Variants in HELZ observed in about 807,000 individuals in gnomAD.
The protein encoded by HELZ is helicase with zinc finger.
In HELZ, 23 loss-of-function variants were observed where a neutral mutation model predicts 218.2. That is an observed-to-expected ratio of 0.11 (90% CI 0.08 to 0.15). HELZ has a LOEUF of 0.15. Ranked by LOEUF, HELZ falls within the 10% of genes least tolerant of loss-of-function variation. HELZ has a pLI of 1.00. For missense variants in HELZ, 1,813 were observed against 2,353.7 expected (o/e 0.77, Z 4.75); for synonymous variants, 814 against 829.4 (o/e 0.98, Z 0.32).
In HELZ at chr17:67,235,229, G is replaced by A. The variant is rs972900036; in HGVS notation, c.-19+4204C>T. 9.9e-5 allele frequency among the ~76,000 whole-genome samples: 15 copies of A among 152,052 alleles called. 1 individual carries two copies. Among genetic ancestry groups the A allele is most frequent in the African/African-American group, 2.9e-4 (12 of 41,484 alleles). On this transcript the variant is annotated intron_variant, in intron 3 of 32. Coordinates refer to ENST00000358691, the MANE Select transcript of HELZ (RefSeq NM_014877.4). ...AGCCACAAAGAGACAACAGAAGGCC[G>A]GGCGCGGTGGCTCACACCTGTAATC...
chr17:67,214,046 GA>G (rs1420030744), intron 5 of HELZ, among the ~76,000 whole-genome samples: 64 of 152,220 alleles, frequency 4.2e-4, no homozygotes, highest in African/African-American at 1.5e-3. Context: ...AACTTCTTCA[GA>G]TGGGGGAAGG....
chr17:67,161,747 G>A (rs2144117208), intron 15 of HELZ, among the ~76,000 whole-genome samples: 1 of 152,280 alleles, frequency 6.6e-6, no homozygotes, highest in Non-Finnish European at 1.5e-5. Context: ...ACCTGTCACA[G>A]TCGCACAGAT....
chr17:67,109,536 T>C lies in HELZ; in HGVS notation c.4069A>G (p.Asn1357Asp). 1 of 1,614,170 alleles carries C rather than the reference T, an allele frequency of 6.2e-7. No homozygotes were observed. The highest frequency in any genetic ancestry group is 8.5e-7 in the Non-Finnish European group (1 of 1,180,036). ...PAPHAQYAIPNRHFHPLPQLP... is the reference protein window; with the variant it reads ...PAPHAQYAIPDRHFHPLPQLP... ...TGGGGAAGGGGATGAAAGTGGCGATTAGGGATTGCATACTGTGCGTGGGGA... is the reference window on the plus strand; with the variant it reads ...TGGGGAAGGGGATGAAAGTGGCGATCAGGGATTGCATACTGTGCGTGGGGA... Residue 1357 changes from asparagine to aspartate, a missense_variant, in exon 29 of 33, where the codon AAT becomes GAT. Physicochemically the swap from Asn to Asp is conservative, Grantham distance 23 (BLOSUM62 1). This residue lies in a region of HELZ where 938 missense variants were observed against 1,027.5 expected (regional missense o/e 0.91). Transcript: ENST00000358691.
chr17:67,090,717 C>T (rs1293200471), intron 31 of HELZ, among the ~76,000 whole-genome samples: 1 of 152,082 alleles, frequency 6.6e-6, no homozygotes, highest in African/African-American at 2.4e-5. Flanking sequence ...TCTACTGGGT[C>T]TGTAGTGACC....
chr17:67,076,069 C>T lies in HELZ; in HGVS notation c.*2183G>A, dbSNP rs1470570949. 6.6e-6 allele frequency: 1 copy of T among 152,506 alleles called. No homozygotes were observed. The highest frequency in any genetic ancestry group is 1.5e-5 in the Non-Finnish European group (1 of 68,026). 9.4% of individuals were successfully genotyped at this position (152,506 alleles called of 1,614,324 possible). Reference sequence around the variant, plus strand: ...TAGAAAACAGAAAATTAGGCAATAACCTCATGACAAGGGGTCAACTGAAAG... The same window carrying T: ...TAGAAAACAGAAAATTAGGCAATAATCTCATGACAAGGGGTCAACTGAAAG... On this transcript the variant is annotated 3_prime_UTR_variant, in exon 33 of 33. Coordinates refer to ENST00000358691, the MANE Select transcript of HELZ (RefSeq NM_014877.4).
At chr17:67,159,723 A>G (rs1051563965) in intron 17 of HELZ, among the ~76,000 whole-genome samples, 23 of 152,084 alleles carry the variant, frequency 1.5e-4, no homozygotes, top group African/African-American at 5.6e-4. Flanking sequence ...TCAACCTTAA[A>G]TTTTCTTTGA....
chr17:67,130,295 G>A (rs1468510093), intron 23 of HELZ, among the ~76,000 whole-genome samples: 1 of 151,546 alleles, frequency 6.6e-6, no homozygotes, highest in Non-Finnish European at 1.5e-5. Context: ...ACTTATCCAT[G>A]TAAACAAAAA....
chr17:67,161,178 A>C, intron 15 of HELZ, 102 bp from the exon 16 acceptor site: 1 of 799,476 alleles, frequency 1.3e-6, no homozygotes, highest in Non-Finnish European at 1.9e-6. Context: ...AAACCACTGA[A>C]ATAGCATAGC....
chr17:67,111,462 C>G (rs1442998286), intron 28 of HELZ, among the ~76,000 whole-genome samples: 3 of 152,286 alleles, frequency 2.0e-5, no homozygotes, highest in African/African-American at 7.2e-5. Context: ...GATTGCAGAG[C>G]ACTTGCCTCA....
intron 31 of HELZ, among the ~76,000 whole-genome samples, chr17:67,091,098 G>A (rs925324837): frequency 6.6e-6 from 1 of 151,854 alleles, no homozygotes; most frequent in Admixed American, 6.6e-5. Context: ...ACACAAATTA[G>A]GACAGGCTAT....
chr17:67,190,612 G>A (rs1314214634), intron 9 of HELZ, among the ~76,000 whole-genome samples: 1 of 152,176 alleles, frequency 6.6e-6, no homozygotes, highest in African/African-American at 2.4e-5. Flanking sequence ...AGGTATTCAC[G>A]TCGGCCCTCC....
At chr17:67,187,788 T>G (rs999943384) in intron 12 of HELZ, among the ~76,000 whole-genome samples, 1 of 152,136 alleles carries the variant, frequency 6.6e-6, no homozygotes, top group Non-Finnish European at 1.5e-5. Flanking sequence ...CAGGGACCTC[T>G]TCCCAAAAAC....
chr17:67,154,222 G>A (rs1000339325), intron 17 of HELZ, among the ~76,000 whole-genome samples: 3 of 152,220 alleles, frequency 2.0e-5, no homozygotes, highest in African/African-American at 7.2e-5. Flanking sequence ...GAGGCCAGGA[G>A]TTCAAGACCA....
At chr17:67,181,275 A>C (rs1355236514) in intron 12 of HELZ, among the ~76,000 whole-genome samples, 2 of 152,218 alleles carry the variant, frequency 1.3e-5, no homozygotes, top group Non-Finnish European at 2.9e-5. Context: ...CTGATGTTTA[A>C]GTAGCTGAGA....
At chr17:67,221,102 G>A (rs919251524) in intron 3 of HELZ, among the ~76,000 whole-genome samples, 1 of 152,072 alleles carries the variant, frequency 6.6e-6, no homozygotes, top group Non-Finnish European at 1.5e-5. Flanking sequence ...GACAAAGAGT[G>A]GCATTACAAA....
rs1820574221 is a variant in HELZ, at chr17:67,189,703, A to T, written c.757-7T>A. ...CTTCTATACATTCACTAAGCTGAAA[A>T]CAGACAGCAATTTATGTTATGTTTT... On this transcript the variant is annotated splice_polypyrimidine_tract_variant and splice_region_variant and intron_variant, in intron 10 of 32. Coordinates refer to ENST00000358691, the MANE Select transcript of HELZ (RefSeq NM_014877.4). 1 of 1,542,094 alleles carries T rather than the reference A, an allele frequency of 6.5e-7. No individual in the cohort carries two copies.
intron 24 of HELZ, among the ~76,000 whole-genome samples, chr17:67,125,590 G>A (rs1228807443): frequency 1.3e-5 from 2 of 151,742 alleles, no homozygotes; most frequent in Admixed American, 1.3e-4. Context: ...ATTTGCTAAT[G>A]ACTCAACAAC....
intron 31 of HELZ, among the ~76,000 whole-genome samples, chr17:67,098,380 T>G (rs905305010): frequency 1.3e-4 from 20 of 152,332 alleles, no homozygotes; most frequent in Non-Finnish European, 1.5e-4. Flanking sequence ...TTACAAGATT[T>G]AAAGTCTTTG....
chr17:67,089,696 G>GAGAGAGACAGAGAC lies in HELZ; in HGVS notation c.5242-2616_5242-2615insGTCTCTGTCTCTCT, dbSNP rs34752223. The stretch of plus-strand genomic sequence containing the variant: ...AGAGAGAGAGAGAGAGAGAGAGAGA[G>GAGAGAGACAGAGAC]AGAGACAGAGAGACAGAGAGAGAGA... On this transcript the variant is annotated intron_variant, in intron 31 of 32. Transcript: ENST00000358691. Among the ~76,000 whole-genome samples, 9 of 122,706 alleles carry GAGAGAGACAGAGAC rather than the reference G, an allele frequency of 7.3e-5. No homozygotes were observed. The South Asian group carries it at 8.3e-4, about 11-fold the overall frequency. 80.5% of individuals were successfully genotyped at this position (122,706 alleles called of 152,430 possible).
Sources: allele counts gnomAD v4.1 joint callset (sites outside exome capture counted in the v4.1 genomes callset), GRCh38; gene constraint gnomAD v4.1.1; regional missense constraint gnomAD v4.1.1; transcripts MANE v1.5; gene names NCBI Gene and HGNC (gene_info 2026-07-23, HGNC 2026-07-21).